The following MYO9A variants were observed in gnomAD, a reference collection of about 807,000 sequenced individuals.
MYO9A encodes the protein myosin IXA.
Under a neutral mutation model 293.3 loss-of-function variants are expected in MYO9A, and 103 were observed. That is an observed-to-expected ratio of 0.35 (90% CI 0.30 to 0.41). MYO9A has a LOEUF of 0.41. Among genes scored for constraint, MYO9A ranks in the 10% least tolerant of loss-of-function variants. MYO9A has a pLI of 1.00. For synonymous variants in MYO9A, 1,001 were observed against 1,035.7 expected (o/e 0.97, Z 0.64); for missense variants, 2,685 against 3,033.0 (o/e 0.89, Z 2.69).
intron 19 of MYO9A, among the ~76,000 whole-genome samples, chr15:71,915,091 T>C (rs1228953505): frequency 6.6e-6 from 1 of 152,190 alleles, no homozygotes; most frequent in African/African-American, 2.4e-5. Flanking sequence ...AACTAAAAAA[T>C]TGTATTAAGT....
intron 39 of MYO9A, among the ~76,000 whole-genome samples, chr15:71,833,584 G>C (rs1369133523): frequency 6.6e-6 from 1 of 152,038 alleles, no homozygotes; most frequent in Non-Finnish European, 1.5e-5. Flanking sequence ...CTTGATATAA[G>C]CAATCTAACA....
intron 13 of MYO9A, among the ~76,000 whole-genome samples, chr15:71,960,939 T>G (rs2075722865): frequency 6.6e-6 from 1 of 152,128 alleles, no homozygotes; most frequent in African/African-American, 2.4e-5. Context: ...GCTGGAGCAC[T>G]GGGGACAAGG....
At chr15:71,979,733 C>G (rs1387044308) in intron 11 of MYO9A, among the ~76,000 whole-genome samples, 1 of 152,172 alleles carries the variant, frequency 6.6e-6, no homozygotes, top group African/African-American at 2.4e-5. Flanking sequence ...AGATCTGGCC[C>G]TTATAGAAAA....
chr15:71,996,711 C>T (rs1250970635), intron 9 of MYO9A, among the ~76,000 whole-genome samples: 2 of 152,052 alleles, frequency 1.3e-5, no homozygotes, highest in Non-Finnish European at 2.9e-5. Flanking sequence ...TAAATCCATA[C>T]ATTTCTCCCT....
At chr15:72,114,382 T>G (rs1008769232) in intron 1 of MYO9A, 1 of 152,156 alleles carries the variant, frequency 6.6e-6, no homozygotes, top group South Asian at 2.1e-4. Context: ...TAAAATAAGA[T>G]AGAGGCAACA....
chr15:71,861,873 C>T (rs2056149486), intron 33 of MYO9A, among the ~76,000 whole-genome samples: 1 of 152,124 alleles, frequency 6.6e-6, no homozygotes, highest in Non-Finnish European at 1.5e-5. Context: ...GTGGCTCACG[C>T]CTGTAATCCC....
intron 40 of MYO9A, 82 bp downstream of exon 40, chr15:71,830,027 A>G (rs575778092): frequency 1.0e-4 from 144 of 1,382,096 alleles, no homozygotes; most frequent in Middle Eastern, 5.4e-4. Context: ...GAGATAATAA[A>G]TAAGAAAAAA....
At chr15:72,018,872 T>C (rs528086732) in intron 6 of MYO9A, among the ~76,000 whole-genome samples, 167 bp downstream of exon 6, 1 of 152,316 alleles carries the variant, frequency 6.6e-6, no homozygotes, top group Admixed American at 6.5e-5. Context: ...CAACAAACTA[T>C]ACAGATATAA....
chr15:72,048,589 AG>A (rs1028873976), intron 1 of MYO9A, among the ~76,000 whole-genome samples: 2 of 151,994 alleles, frequency 1.3e-5, no homozygotes, highest in Admixed American at 6.6e-5. Context: ...TCTGTTCCAT[AG>A]GTCTATTTTT....
At chr15:71,857,127 C>G (rs150333076) in intron 34 of MYO9A, among the ~76,000 whole-genome samples, 2 of 152,010 alleles carry the variant, frequency 1.3e-5, no homozygotes, top group African/African-American at 4.8e-5. Context: ...CTTGTGGAAG[C>G]AAAATAACAA....
intron 1 of MYO9A, among the ~76,000 whole-genome samples, chr15:72,101,165 G>A (rs2080293982): frequency 7.2e-6 from 1 of 139,508 alleles, no homozygotes; most frequent in South Asian, 2.3e-4. Flanking sequence ...GGAGGTGAGG[G>A]GTGCCTCTGC....
intron 3 of MYO9A, among the ~76,000 whole-genome samples, chr15:72,031,859 G>C (rs2077882154): frequency 6.6e-6 from 1 of 152,026 alleles, no homozygotes; most frequent in Admixed American, 6.6e-5. Flanking sequence ...TGGTTATATA[G>C]GAAAATGTAG....
At chr15:72,025,463 C>T (rs1430578471) in intron 4 of MYO9A, among the ~76,000 whole-genome samples, 1 of 152,146 alleles carries the variant, frequency 6.6e-6, no homozygotes, top group African/African-American at 2.4e-5. Flanking sequence ...CAGGTTCAGG[C>T]GATTCTCCTG....
intron 39 of MYO9A, among the ~76,000 whole-genome samples, chr15:71,833,829 A>T (rs2054828617): frequency 6.6e-6 from 1 of 152,150 alleles, no homozygotes; most frequent in Non-Finnish European, 1.5e-5. Context: ...GAAATTAGAA[A>T]ATATTTTGAA....
intron 1 of MYO9A, among the ~76,000 whole-genome samples, chr15:72,098,516 A>G (rs2080141282): frequency 6.6e-6 from 1 of 152,250 alleles, no homozygotes; most frequent in Non-Finnish European, 1.5e-5. Flanking sequence ...GAAATAAATA[A>G]CAAAACTACA....
chr15:72,102,010 G>C (rs1455439229), intron 1 of MYO9A, among the ~76,000 whole-genome samples: 1 of 150,960 alleles, frequency 6.6e-6, no homozygotes, highest in Non-Finnish European at 1.5e-5. Context: ...CATTGAGAAC[G>C]GGCCAGGATG....
intron 32 of MYO9A, among the ~76,000 whole-genome samples, chr15:71,864,510 C>A (rs570623884): frequency 1.3e-5 from 2 of 152,192 alleles, no homozygotes; most frequent in East Asian, 3.9e-4. Flanking sequence ...AAATGTACGT[C>A]CAAGAAAAAA....
intron 1 of MYO9A, among the ~76,000 whole-genome samples, chr15:72,070,811 C>A (rs1166361257): frequency 2.6e-5 from 4 of 152,154 alleles, no homozygotes; most frequent in South Asian, 2.1e-4. Flanking sequence ...GGAGATGACA[C>A]CCTATTCAAT....
intron 18 of MYO9A, among the ~76,000 whole-genome samples, chr15:71,926,703 G>A (rs1173856878): frequency 3.3e-5 from 5 of 152,166 alleles, no homozygotes; most frequent in Admixed American, 2.0e-4. Context: ...TGGCTGTGGG[G>A]AAAGCCGCCA....
Sources: gnomAD v4.1 joint callset for allele counts (sites outside exome capture counted in the v4.1 genomes callset) on GRCh38, gnomAD v4.1.1 for gene constraint, MANE v1.5 for transcripts, NCBI Gene and HGNC (gene_info 2026-07-23, HGNC 2026-07-21) for gene names.